The following TRHDE variants were observed in gnomAD, a reference collection of about 807,000 sequenced individuals.
TRHDE encodes the protein thyrotropin-releasing hormone-degrading ectoenzyme.
Under a neutral mutation model 125.7 loss-of-function variants are expected in TRHDE, and 72 were observed. The ratio of observed to expected loss-of-function variants is 0.57; its 90% CI spans 0.47 to 0.70. TRHDE has a LOEUF of 0.70. Among genes scored for constraint, TRHDE ranks in the 30% least tolerant of loss-of-function variants. The pLI, the probability that TRHDE is intolerant of heterozygous loss-of-function variation, is 0.00. For missense variants in TRHDE, 1,110 were observed against 1,327.1 expected, an observed-to-expected ratio of 0.84 and a Z score of 2.54; for synonymous variants, 509 against 509.1, an observed-to-expected ratio of 1.00 and a Z score of 0.00.
chr12:72,636,299 CTGTT>C (rs1429640114), intron 15 of TRHDE, among the ~76,000 whole-genome samples: 4 of 150,378 alleles, frequency 2.7e-5, no homozygotes, highest in South Asian at 2.1e-4. Flanking sequence ...ATTTGGCTCT[CTGTT>C]TGTCTGTTGT....
At chr12:72,200,874 G>A (rs1877546115) in intron 2 of TRHDE, among the ~76,000 whole-genome samples, 1 of 139,180 alleles carries the variant, frequency 7.2e-6, no homozygotes, top group Non-Finnish European at 1.5e-5. Flanking sequence ...GTGTGCAAAG[G>A]CAGGGCACCT....
chr12:72,451,956 G>C (rs911243834), intron 3 of TRHDE, among the ~76,000 whole-genome samples: 1 of 152,118 alleles, frequency 6.6e-6, no homozygotes, highest in African/African-American at 2.4e-5. Context: ...AGCCTCCCAA[G>C]TAGCTGGGAC....
intron 5 of TRHDE, among the ~76,000 whole-genome samples, chr12:72,483,304 C>A (rs1205488437): frequency 6.6e-6 from 1 of 151,844 alleles, no homozygotes; most frequent in Non-Finnish European, 1.5e-5. Flanking sequence ...AGTTCAATTC[C>A]TTTTTCTACC....
At chr12:72,396,860 A>G (rs865981971) in intron 3 of TRHDE, among the ~76,000 whole-genome samples, 1 of 152,088 alleles carries the variant, frequency 6.6e-6, no homozygotes, top group Non-Finnish European at 1.5e-5. Context: ...TTTCCTGTGT[A>G]CTTCTTATTT....
intron 5 of TRHDE, among the ~76,000 whole-genome samples, chr12:72,475,432 C>T (rs1876846078): frequency 6.6e-6 from 1 of 152,056 alleles, no homozygotes; most frequent in African/African-American, 2.4e-5. Flanking sequence ...AAAAATGCAT[C>T]TTAGATTTAA....
chr12:72,227,812 A>G (rs1878164923), intron 2 of TRHDE, among the ~76,000 whole-genome samples: 1 of 152,212 alleles, frequency 6.6e-6, no homozygotes, highest in Non-Finnish European at 1.5e-5. Flanking sequence ...GGCCAAAATG[A>G]AGGGGCTACA....
At chr12:72,457,563 T>A (rs1875919222) in intron 3 of TRHDE, among the ~76,000 whole-genome samples, 1 of 152,134 alleles carries the variant, frequency 6.6e-6, no homozygotes, top group South Asian at 2.1e-4. Flanking sequence ...TCGGCGTTTT[T>A]TTTTTCCTCA....
At chr12:72,096,431 G>C (rs1300735123) in intron 1 of TRHDE, among the ~76,000 whole-genome samples, 1 of 152,184 alleles carries the variant, frequency 6.6e-6, no homozygotes, top group African/African-American at 2.4e-5. Context: ...CAGTTATGGA[G>C]ATTATTTCAT....
intron 2 of TRHDE, among the ~76,000 whole-genome samples, chr12:72,339,260 CT>C (rs769950853): frequency 3.9e-5 from 6 of 152,156 alleles, no homozygotes; most frequent in Non-Finnish European, 7.4e-5. Context: ...TTATATTTTA[CT>C]GAAAATATTG....
intron 7 of TRHDE, among the ~76,000 whole-genome samples, chr12:72,548,803 A>G (rs1165471716): frequency 6.6e-6 from 1 of 151,748 alleles, no homozygotes; most frequent in East Asian, 1.9e-4. Flanking sequence ...TATTGTTTTA[A>G]TGATTTGAGC....
intron 2 of TRHDE, among the ~76,000 whole-genome samples, chr12:72,376,405 G>T (rs781433062): frequency 1.6e-4 from 24 of 152,120 alleles, no homozygotes; most frequent in Non-Finnish European, 1.2e-4. Flanking sequence ...ATTGTCAGGG[G>T]TAGGGGATCC....
At chr12:72,620,191 G>A (rs1872985873) in intron 13 of TRHDE, among the ~76,000 whole-genome samples, 2 of 151,902 alleles carry the variant, frequency 1.3e-5, no homozygotes, top group African/African-American at 4.8e-5. Flanking sequence ...CATTAGAATA[G>A]CGTATCATGT....
At chr12:72,372,295 T>G (rs1406814199) in intron 2 of TRHDE, among the ~76,000 whole-genome samples, 3 of 152,170 alleles carry the variant, frequency 2.0e-5, no homozygotes, top group African/African-American at 7.2e-5. Context: ...TATTAGCCCT[T>G]TGTCAGATGA....
chr12:72,201,881 G>A (rs1877567151), intron 2 of TRHDE, among the ~76,000 whole-genome samples: 1 of 152,146 alleles, frequency 6.6e-6, no homozygotes, highest in Non-Finnish European at 1.5e-5. Context: ...TGTCATTTAT[G>A]TTGTTAGACT....
intron 2 of TRHDE, among the ~76,000 whole-genome samples, chr12:72,191,433 G>A (rs1361864669): frequency 6.6e-6 from 1 of 152,056 alleles, no homozygotes; most frequent in African/African-American, 2.4e-5. Flanking sequence ...ATAATCCCCT[G>A]TAAAAATTTC....
Position 72,668,064 on chromosome 12 carries a change from G to A in TRHDE, c.*4869G>A, listed in dbSNP as rs1408445838. On this transcript the variant is annotated 3_prime_UTR_variant, in exon 19 of 19. Coordinates refer to ENST00000261180, the MANE Select transcript of TRHDE (RefSeq NM_013381.3). ...AGTATATGTGAACTTATGAAAAAATGTTCTTGTAAATTATTCTAGAATCCC... is the reference window on the plus strand; with the variant it reads ...AGTATATGTGAACTTATGAAAAAATATTCTTGTAAATTATTCTAGAATCCC... 1 of 151,532 alleles carries A rather than the reference G, an allele frequency of 6.6e-6. No individual in the cohort carries two copies. The highest frequency in any genetic ancestry group is 2.4e-5 in the African/African-American group (1 of 41,388). The allele number at this position is 151,532 out of a possible 1,614,324, so 9.4% of individuals were successfully genotyped here.
chr12:72,539,879 C>T (rs1860484426), intron 6 of TRHDE, among the ~76,000 whole-genome samples: 1 of 151,770 alleles, frequency 6.6e-6, no homozygotes, highest in Admixed American at 6.6e-5. Flanking sequence ...GCTACTCGGG[C>T]TTCCTAAATG....
intron 3 of TRHDE, among the ~76,000 whole-genome samples, chr12:72,406,190 G>T (rs991163235): frequency 6.6e-6 from 1 of 152,262 alleles, no homozygotes; most frequent in African/African-American, 2.4e-5. Context: ...AGAATGTGCC[G>T]TGACAAATCT....
At chr12:72,140,965 G>C (rs1299585679) in intron 2 of TRHDE, among the ~76,000 whole-genome samples, 1 of 152,092 alleles carries the variant, frequency 6.6e-6, no homozygotes. Flanking sequence ...TAATGTAATA[G>C]TTCTGCTTTT....
Sources: allele counts gnomAD v4.1 joint callset (sites outside exome capture counted in the v4.1 genomes callset), GRCh38; gene constraint gnomAD v4.1.1; transcripts MANE v1.5; gene names NCBI Gene and HGNC (gene_info 2026-07-23, HGNC 2026-07-21).